The following FAT3 variants were observed in gnomAD, a reference collection of about 807,000 sequenced individuals.
FAT3 encodes protocadherin Fat 3.
In FAT3, 95 loss-of-function variants were observed where a neutral mutation model predicts 310.2. The observed-to-expected ratio is 0.31, with a 90% CI of 0.26 to 0.36. The LOEUF (loss-of-function observed/expected upper bound fraction) is 0.36, where lower values mean the gene tolerates loss of function less well. Among genes scored for constraint, FAT3 ranks in the 10% least tolerant of loss-of-function variants. The probability of loss-of-function intolerance (pLI) is 1.00; values close to 1 mark genes in which losing one functional copy is unlikely to be tolerated. For synonymous variants in FAT3, 2,314 were observed against 2,192.9 expected (o/e 1.06, Z -1.54); for missense variants, 5,408 against 5,715.6 (o/e 0.95, Z 1.74).
At chr11:92,609,811 G>A (rs1940478788) in intron 3 of FAT3, among the ~76,000 whole-genome samples, 1 of 152,080 alleles carries the variant, frequency 6.6e-6, no homozygotes, top group Non-Finnish European at 1.5e-5. Context: ...AAATAGGCTT[G>A]GAAGCTGTAT....
intron 2 of FAT3, among the ~76,000 whole-genome samples, chr11:92,394,121 A>G (rs1949807221): frequency 6.6e-6 from 1 of 152,208 alleles, no homozygotes; most frequent in Non-Finnish European, 1.5e-5. Context: ...ATTGGCAAGT[A>G]AGACTTATTT....
chr11:92,814,841 C>T (rs923142109), intron 13 of FAT3, among the ~76,000 whole-genome samples: 6 of 152,260 alleles, frequency 3.9e-5, no homozygotes, highest in African/African-American at 1.2e-4. Flanking sequence ...CAAACCTACA[C>T]GTTCTGCACA....
intron 1 of FAT3, among the ~76,000 whole-genome samples, chr11:92,332,816 C>G (rs1012804488): frequency 6.6e-6 from 1 of 152,176 alleles, no homozygotes; most frequent in East Asian, 1.9e-4. Flanking sequence ...AGAGTTCCTC[C>G]ATTTTCTTTC....
intron 1 of FAT3, among the ~76,000 whole-genome samples, chr11:92,296,788 G>A (rs1031092603): frequency 1.3e-5 from 2 of 152,024 alleles, no homozygotes; most frequent in East Asian, 1.9e-4. Context: ...TAGCCATTGC[G>A]CATGCTGCCT....
At chr11:92,435,523 C>CCT (rs1950914111) in intron 2 of FAT3, among the ~76,000 whole-genome samples, 1 of 141,550 alleles carries the variant, frequency 7.1e-6, no homozygotes. Context: ...TCCTTCCTTT[C>CCT]TCTTTCTTTC....
At chr11:92,367,042 A>G (rs1465198318) in intron 2 of FAT3, 2 of 504,266 alleles carry the variant, frequency 4.0e-6, no homozygotes, top group Admixed American at 2.0e-5. Context: ...AACATCTAGC[A>G]CTGTCCGGAC....
intron 21 of FAT3, among the ~76,000 whole-genome samples, chr11:92,862,737 T>C (rs1949150903): frequency 6.6e-6 from 1 of 152,252 alleles, no homozygotes; most frequent in Non-Finnish European, 1.5e-5. Context: ...AAGTTAACCT[T>C]AATTACATTT....
intron 7 of FAT3, among the ~76,000 whole-genome samples, chr11:92,774,861 GC>G (rs1220886355): frequency 6.6e-6 from 1 of 152,184 alleles, no homozygotes; most frequent in Non-Finnish European, 1.5e-5. Context: ...ATGTGAAAGG[GC>G]ATTGAGAGCA....
At chr11:92,741,449 G>A (rs1262522167) in intron 4 of FAT3, among the ~76,000 whole-genome samples, 1 of 152,202 alleles carries the variant, frequency 6.6e-6, no homozygotes, top group Non-Finnish European at 1.5e-5. Context: ...ACACAGAAGA[G>A]GAACTTCATT....
chr11:92,439,729 A>C (rs2135067542), intron 2 of FAT3, among the ~76,000 whole-genome samples: 1 of 152,226 alleles, frequency 6.6e-6, no homozygotes, highest in East Asian at 1.9e-4. Context: ...CAACCTGGGC[A>C]ATATAGGGAG....
At position 92,883,357 on chromosome 11, in the gene FAT3, T is replaced by A; in HGVS notation, c.12901T>A (p.Ser4301Thr). The A allele has an allele frequency of 6.2e-7, 1 of 1,607,802 alleles. No individual in the cohort carries two copies. The highest frequency in any genetic ancestry group is 8.5e-7 in the Non-Finnish European group (1 of 1,176,670). ...GTCACCCTGCCGCTCCGACTGCGACTCCATCCGGAAGAATGGCTGGGACGC... is the reference window on the plus strand; with the variant it reads ...GTCACCCTGCCGCTCCGACTGCGACACCATCCGGAAGAATGGCTGGGACGC... ...AVSPCRSDCD[S>T]IRKNGWDAGT... The change falls in exon 24 of 28, where the codon TCC becomes ACC. Residue 4301 changes from serine (S) to threonine (T), a missense_variant. Ser to Thr is a moderately conservative substitution (Grantham distance 58). Transcript: ENST00000525166. The surrounding 1 kb of genome is among the most constrained non-coding windows in gnomAD (Gnocchi z 4.2).
intron 2 of FAT3, among the ~76,000 whole-genome samples, chr11:92,467,446 G>C (rs1951793257): frequency 1.3e-5 from 2 of 152,132 alleles, no homozygotes; most frequent in South Asian, 4.1e-4. Flanking sequence ...TTATTATCTT[G>C]CCTTTTTTTG....
chr11:92,458,436 A>G (rs1017654775), intron 2 of FAT3, among the ~76,000 whole-genome samples: 1 of 152,314 alleles, frequency 6.6e-6, no homozygotes. Flanking sequence ...CCTGTAACAT[A>G]TATTTTTCTC....
intron 5 of FAT3, 46 bp downstream of exon 5, chr11:92,762,216 G>A (rs751602239): frequency 6.5e-5 from 99 of 1,534,874 alleles, no homozygotes; most frequent in Non-Finnish European, 8.7e-5. Flanking sequence ...GGGGGAAGTG[G>A]TTATGTTCTT....
chr11:92,371,468 G>T (rs1407947188), intron 2 of FAT3, among the ~76,000 whole-genome samples: 1 of 152,198 alleles, frequency 6.6e-6, no homozygotes, highest in Admixed American at 6.5e-5. Flanking sequence ...TATAATCCCA[G>T]CACTTTGGGA....
At chr11:92,751,288 A>G (rs1945821565) in intron 4 of FAT3, among the ~76,000 whole-genome samples, 1 of 152,162 alleles carries the variant, frequency 6.6e-6, no homozygotes, top group Non-Finnish European at 1.5e-5. Flanking sequence ...TAATAATCGC[A>G]TCTTACTCCA....
chr11:92,707,062 CTT>C (rs945412121), intron 4 of FAT3, among the ~76,000 whole-genome samples: 10 of 152,198 alleles, frequency 6.6e-5, no homozygotes, highest in African/African-American at 2.2e-4. Flanking sequence ...CAGGCAAACA[CTT>C]ATATATATTG....
intron 3 of FAT3, among the ~76,000 whole-genome samples, chr11:92,604,652 C>T (rs1325189000): frequency 2.0e-5 from 3 of 152,200 alleles, no homozygotes; most frequent in Admixed American, 2.0e-4. Context: ...CTATACTCAT[C>T]CTGTATCACT....
intron 2 of FAT3, among the ~76,000 whole-genome samples, chr11:92,435,068 A>T (rs1486705570): frequency 1.3e-5 from 2 of 152,174 alleles, no homozygotes; most frequent in Admixed American, 1.3e-4. Flanking sequence ...CATGGAGTTT[A>T]TATAGCATTT....
Sources: gnomAD v4.1 joint callset for allele counts (sites outside exome capture counted in the v4.1 genomes callset) on GRCh38, gnomAD v4.1.1 for gene constraint, Gnocchi (gnomAD v3.1) non-coding constraint, MANE v1.5 for transcripts, NCBI Gene and HGNC (gene_info 2026-07-23, HGNC 2026-07-21) for gene names.